The following RASSF3 variants were observed in gnomAD, a reference collection of about 807,000 sequenced individuals.
RASSF3 encodes the protein Ras association domain family member 3, also known as ras association domain-containing protein 3.
In RASSF3, 19 loss-of-function variants were observed where a neutral mutation model predicts 19.9. That is an observed-to-expected ratio of 0.96 (90% CI 0.67 to 1.40). RASSF3 has a LOEUF of 1.40. RASSF3 is among the 40% of genes most tolerant of loss of function. The pLI is 0.00. For synonymous variants in RASSF3, 110 were observed against 104.2 expected, an observed-to-expected ratio of 1.06 and a Z score of -0.34; for missense variants, 306 against 289.8, an observed-to-expected ratio of 1.06 and a Z score of -0.41.
At chr12:64,522,845 T>C (rs964770047) in intron 1 of RASSF3, among the ~76,000 whole-genome samples, 3 of 152,154 alleles carry the variant, frequency 2.0e-5, no homozygotes, top group Non-Finnish European at 4.4e-5. Flanking sequence ...GTAGAACTAA[T>C]AGGCTCCTGG....
At chr12:64,663,079 C>G (rs1244580276) in intron 1 of RASSF3, among the ~76,000 whole-genome samples, 1 of 152,122 alleles carries the variant, frequency 6.6e-6, no homozygotes, top group African/African-American at 2.4e-5. Flanking sequence ...AAAAAATGTT[C>G]AGTGTTAGAA....
Position 64,696,790 on chromosome 12 carries a change from T to C in RASSF3, c.*1878T>C, listed in dbSNP as rs1868380449. 6.6e-6 allele frequency: 1 copy of C among 152,238 alleles called. No homozygotes were observed. Among genetic ancestry groups the C allele is most frequent in the South Asian group, 2.1e-4 (1 of 4,838 alleles). 9.4% of individuals were successfully genotyped at this position (152,238 alleles called of 1,614,324 possible). On this transcript the variant is annotated 3_prime_UTR_variant, in exon 5 of 5. Transcript: ENST00000542104. The stretch of plus-strand genomic sequence containing the variant: ...GCTATAAAATATGTATGGCACATCT[T>C]GTTTAATTTTGCATGTAACTTCTCT...
At chr12:64,620,489 G>A (rs944885848) in intron 1 of RASSF3, among the ~76,000 whole-genome samples, 3 of 152,110 alleles carry the variant, frequency 2.0e-5, no homozygotes, top group Non-Finnish European at 1.5e-5. Context: ...GAATCATATG[G>A]TAATTCTGTT....
intron 1 of RASSF3, among the ~76,000 whole-genome samples, chr12:64,682,202 T>C (rs1256672855): frequency 1.3e-5 from 2 of 152,142 alleles, no homozygotes; most frequent in Non-Finnish European, 2.9e-5. Flanking sequence ...CTTGTGCTGG[T>C]ATTTATCCAG....
At position 64,595,945 on chromosome 12, in the gene RASSF3, A is replaced by T. The variant is rs141585865; in HGVS notation, c.294+54240A>T. On this transcript the variant is annotated intron_variant, in intron 2 of 5. Transcript: ENST00000637125. The stretch of plus-strand genomic sequence containing the variant: ...GCCAGCCATAAAACCTAAAAATATT[A>T]CCCAGACTTTCCCTCCCCCTTTCTT... Among the ~76,000 whole-genome samples, 1,324 of 152,252 alleles carry T rather than the reference A, an allele frequency of 8.7e-3. 8 individuals carry two copies. Among genetic ancestry groups the T allele is most frequent in the Non-Finnish European group, 0.014 (920 of 68,016 alleles).
At chr12:64,680,758 T>TTTTTCCTTA in intron 1 of RASSF3, among the ~76,000 whole-genome samples, 1 of 152,064 alleles carries the variant, frequency 6.6e-6, no homozygotes, top group South Asian at 2.1e-4. Flanking sequence ...GGACTACAGG[T>TTTTTCCTTA]GCTTGCCGCC....
intron 2 of RASSF3, chr12:64,575,624 C>G (rs1448220266): frequency 2.0e-5 from 3 of 151,876 alleles, no homozygotes; most frequent in Non-Finnish European, 2.9e-5. Context: ...ATATAGAAGA[C>G]TATTATGAAA....
chr12:64,626,441 T>C (rs1870993781), intron 1 of RASSF3, among the ~76,000 whole-genome samples: 1 of 136,376 alleles, frequency 7.3e-6, no homozygotes, highest in Admixed American at 7.8e-5. Flanking sequence ...TGAGCCGACA[T>C]CATGCCACTG....
intron 2 of RASSF3, among the ~76,000 whole-genome samples, chr12:64,565,486 G>A (rs1011511728): frequency 9.9e-5 from 15 of 152,206 alleles, no homozygotes; most frequent in African/African-American, 3.6e-4. Context: ...ACCGAGGGAG[G>A]TGGATCACCT....
intron 1 of RASSF3, among the ~76,000 whole-genome samples, chr12:64,676,097 T>C (rs1872888576): frequency 6.6e-6 from 1 of 151,992 alleles, no homozygotes; most frequent in Non-Finnish European, 1.5e-5. Flanking sequence ...CACTGTACTT[T>C]TAAGGACAAG....
upstream of RASSF3, among the ~76,000 whole-genome samples, chr12:64,608,210 A>G (rs1298244820): frequency 6.6e-6 from 1 of 152,096 alleles, no homozygotes; most frequent in Non-Finnish European, 1.5e-5. Flanking sequence ...CCTTTTTATT[A>G]TAACTGATTC....
intron 3 of RASSF3, among the ~76,000 whole-genome samples, chr12:64,690,020 A>C (rs923547412): frequency 6.6e-6 from 1 of 151,076 alleles, no homozygotes; most frequent in South Asian, 2.1e-4. Flanking sequence ...CGATCTCCTG[A>C]CCTTGTGATC....
At chr12:64,645,255 A>G (rs1157428027) in intron 1 of RASSF3, among the ~76,000 whole-genome samples, 1 of 152,244 alleles carries the variant, frequency 6.6e-6, no homozygotes, top group African/African-American at 2.4e-5. Context: ...TAATGTATTA[A>G]GTGATGAATA....
At chr12:64,577,395 T>C (rs915910185) in intron 2 of RASSF3, among the ~76,000 whole-genome samples, 5 of 152,240 alleles carry the variant, frequency 3.3e-5, no homozygotes, top group Non-Finnish European at 7.3e-5. Context: ...GTTCAGGTGA[T>C]TGGCTTTCCT....
At chr12:64,634,702 A>G (rs781092248) in intron 1 of RASSF3, among the ~76,000 whole-genome samples, 130 of 148,334 alleles carry the variant, frequency 8.8e-4, no homozygotes, top group East Asian at 3.2e-3. Flanking sequence ...CAAAGTTTAC[A>G]GTGAGCCGAG....
At chr12:64,526,953 C>T (rs1258051766) in intron 1 of RASSF3, among the ~76,000 whole-genome samples, 3 of 152,238 alleles carry the variant, frequency 2.0e-5, no homozygotes, top group African/African-American at 4.8e-5. Flanking sequence ...TACACAATCA[C>T]AAATGGCAGA....
At chr12:64,578,483 G>C (rs1384945902) in intron 2 of RASSF3, among the ~76,000 whole-genome samples, 1 of 152,036 alleles carries the variant, frequency 6.6e-6, no homozygotes, top group Non-Finnish European at 1.5e-5. Flanking sequence ...GCAAGACCCT[G>C]TCTCTACAAA....
At chr12:64,651,997 T>C (rs530705592) in intron 1 of RASSF3, among the ~76,000 whole-genome samples, 1 of 152,340 alleles carries the variant, frequency 6.6e-6, no homozygotes, top group East Asian at 1.9e-4. Context: ...GTGACTCTTA[T>C]GTATTAATTA....
At chr12:64,578,135 A>G (rs1269604614) in intron 2 of RASSF3, among the ~76,000 whole-genome samples, 1 of 152,096 alleles carries the variant, frequency 6.6e-6, no homozygotes, top group East Asian at 1.9e-4. Flanking sequence ...AGGCAGGAGA[A>G]TAACTTGAAC....
Sources: gnomAD v4.1 joint callset for allele counts (sites outside exome capture counted in the v4.1 genomes callset) on GRCh38, gnomAD v4.1.1 for gene constraint, MANE v1.5 for transcripts, NCBI Gene and HGNC (gene_info 2026-07-23, HGNC 2026-07-21) for gene names.